The following FGR variants were observed in gnomAD, a reference collection of about 807,000 sequenced individuals.
FGR encodes tyrosine-protein kinase Fgr.
A neutral mutation model predicts 63.2 loss-of-function variants in FGR; 26 were observed. The observed-to-expected ratio is 0.41, with a 90% CI of 0.30 to 0.57. The LOEUF (loss-of-function observed/expected upper bound fraction) is 0.57, where lower values mean the gene tolerates loss of function less well. FGR is among the 20% of genes least tolerant of loss of function. The pLI is 0.27. For synonymous variants in FGR, 286 were observed against 277.7 expected (o/e 1.03, Z -0.30); for missense variants, 511 against 690.8 (o/e 0.74, Z 2.92).
chr1:27,634,366 G>T (rs2148533598), intron 1 of FGR, among the ~76,000 whole-genome samples: 1 of 152,282 alleles, frequency 6.6e-6, no homozygotes, highest in East Asian at 1.9e-4. Context: ...CCCAGGAAGC[G>T]GGGACCCACG....
intron 1 of FGR, among the ~76,000 whole-genome samples, chr1:27,628,437 A>G: frequency 6.6e-6 from 1 of 152,050 alleles, no homozygotes; most frequent in East Asian, 1.9e-4. Context: ...TATCACAGAT[A>G]CAGACAGATG....
chr1:27,626,386 C>T (rs2090022329), intron 1 of FGR: 1 of 395,140 alleles, frequency 2.5e-6, no homozygotes, highest in South Asian at 1.4e-4. Flanking sequence ...TCTCGATCCC[C>T]AGTCCAGTCA....
At chr1:27,621,479 G>T in intron 5 of FGR, 80 bp downstream of exon 5, 1 of 971,078 alleles carries the variant, frequency 1.0e-6, no homozygotes, top group South Asian at 1.3e-5. Context: ...CTGGAGCAAT[G>T]ACTTGTCCAA....
intron 5 of FGR, 72 bp downstream of exon 5, chr1:27,621,487 C>T (rs2089924392): frequency 1.9e-6 from 2 of 1,070,936 alleles, no homozygotes; most frequent in Non-Finnish European, 2.9e-6. Flanking sequence ...ATGACTTGTC[C>T]AAGAGGTGGC....
chr1:27,620,837 G>A (rs954254444), intron 5 of FGR, among the ~76,000 whole-genome samples: 7 of 149,150 alleles, frequency 4.7e-5, no homozygotes, highest in Non-Finnish European at 3.0e-5. Flanking sequence ...ACCAGCCTGG[G>A]CAATATGGCG....
Position 27,614,808 on chromosome 1 carries a change from T to G in FGR, c.1095+42A>C, listed in dbSNP as rs533612613. ...GGACAGAGAATTTGTGAACAGTTAA[T>G]AGGTGGGAGGTCCGGGAGGTAAAGG... On this transcript the variant is annotated intron_variant, in intron 10 of 12. Transcript: ENST00000374005. 8 of 1,523,150 alleles carry G rather than the reference T, an allele frequency of 5.3e-6. No individual in the cohort carries two copies. In the South Asian group the frequency reaches 8.2e-5, roughly 16 times the overall value. The allele number at this position is 1,523,150 out of a possible 1,614,324, so 94.4% of individuals were successfully genotyped here. A position where few individuals can be genotyped will look rare whatever the true frequency, so the allele number is the denominator to read the frequency against.
chr1:27,615,681 C>T lies in FGR; in HGVS notation c.838+8G>A. On this transcript the variant is annotated splice_region_variant and intron_variant, in intron 8 of 12. Coordinates refer to ENST00000374005, the MANE Select transcript of FGR (RefSeq NM_005248.3). This position sits in a 1 kb window ranked among gnomAD's most constrained non-coding sequence, Gnocchi z 7.6. ...AGGCCCTCGTCCCGGCCCCCGGGAG[C>T]TCCGTACCCAGCCACACATCCCCGA... 1 of 1,597,542 alleles carries T rather than the reference C, an allele frequency of 6.3e-7. No homozygotes were observed. Among genetic ancestry groups the T allele is most frequent in the Non-Finnish European group, 8.6e-7 (1 of 1,168,004 alleles).
At chr1:27,623,961 C>T (rs745356617) in intron 2 of FGR, 32 bp from the exon 3 acceptor site, 9 of 1,524,034 alleles carry the variant, frequency 5.9e-6, no homozygotes, top group Middle Eastern at 2.5e-4. Context: ...ACTCAAGGAC[C>T]CCTGCCAGGT....
chr1:27,619,213 C>T (rs557028107), intron 5 of FGR, among the ~76,000 whole-genome samples: 6 of 152,116 alleles, frequency 3.9e-5, no homozygotes, highest in Admixed American at 2.6e-4. Context: ...TTTTTTGAGA[C>T]GGAGTCTTGC....
At chr1:27,633,856 A>C (rs2090140242) in intron 1 of FGR, among the ~76,000 whole-genome samples, 2 of 152,264 alleles carry the variant, frequency 1.3e-5, no homozygotes, top group South Asian at 4.1e-4. Flanking sequence ...GACACTCAGC[A>C]AAAACTGCTT....
chr1:27,617,417 C>T lies in FGR; in HGVS notation c.429-121G>A. ...CCATGTGTAAAATGGGGCTGGTACA[C>T]CTGCTTCACATCCTGGCTGGGAGGG... is the stretch of plus-strand genomic sequence containing the variant. On this transcript the variant is annotated intron_variant, in intron 5 of 12. Transcript: ENST00000374005. The surrounding 1 kb of genome is among the most constrained non-coding windows in gnomAD (Gnocchi z 4.5). 2.9e-6 allele frequency: 2 copies of T among 685,920 alleles called. No individual in the cohort carries two copies. Among genetic ancestry groups the T allele is most frequent in the South Asian group, 1.6e-5 (1 of 60,666 alleles). 42.5% of individuals were successfully genotyped at this position (685,920 alleles called of 1,614,324 possible). A position where few individuals can be genotyped will look rare whatever the true frequency, so the allele number is the denominator to read the frequency against.
rs1394560528 is a variant in FGR at position 27,615,748 on chromosome 1, C to T, written c.779G>A (p.Arg260His). The T allele has an allele frequency of 3.1e-6, 5 of 1,608,304 alleles. No homozygotes were observed. The Admixed American group carries it at 6.7e-5, about 22-fold the overall frequency. ...GLAKDAWEIS[R>H]SSITLERRLG... ...CCGGCGCTCCAGCGTGATGGAGCTG[C>T]GGCTGATCTCCCAGGCGTCCTTGGC... The change falls in exon 8 of 13, where the codon CGC becomes CAC. Residue 260 changes from arginine (R) to histidine (H), a missense_variant. Arg to His is a conservative substitution (Grantham distance 29). Transcript: ENST00000374005. This position sits in a 1 kb window ranked among gnomAD's most constrained non-coding sequence, Gnocchi z 7.6.
intron 5 of FGR, among the ~76,000 whole-genome samples, chr1:27,620,210 G>A (rs932234191): frequency 6.6e-6 from 1 of 152,020 alleles, no homozygotes; most frequent in Non-Finnish European, 1.5e-5. Context: ...CCAGGTACTT[G>A]GAAGGCTGAG....
chr1:27,621,633 C>A lies in FGR; in HGVS notation c.354G>T (p.Arg118=). ...NNTEGDWWEA[R]SLSSGKTGCI... is the part of the protein sequence containing the mutation. Reference sequence around the variant, plus strand: ...AGCCAGTTTTTCCGGAGCTGAGAGACCGAGCCTCCCACCAGTCACCTTCAC... The same window carrying A: ...AGCCAGTTTTTCCGGAGCTGAGAGAACGAGCCTCCCACCAGTCACCTTCAC... Residue 118 remains arginine (R), a synonymous_variant, in exon 5 of 13, where the codon CGG becomes CGT. Transcript: ENST00000374005. The A allele has an allele frequency of 6.2e-7, 1 of 1,613,944 alleles. No individual in the cohort carries two copies.
chr1:27,633,409 G>A (rs1004381796), intron 1 of FGR, among the ~76,000 whole-genome samples: 3 of 152,180 alleles, frequency 2.0e-5, no homozygotes, highest in African/African-American at 7.2e-5. Context: ...GCGGCCAACT[G>A]GATGCAGCAC....
Position 27,615,293 on chromosome 1 carries a change from G to C in FGR, c.1018+141C>G, listed in dbSNP as rs944569896. On this transcript the variant is annotated intron_variant, in intron 9 of 12. Transcript: ENST00000374005. This position sits in a 1 kb window ranked among gnomAD's most constrained non-coding sequence, Gnocchi z 7.6. ...GCCCGGCTCCCACCTCAGCCCTCCAGTCGTTTTACACACCTGGTCCCTTAG... is the reference window on the plus strand; with the variant it reads ...GCCCGGCTCCCACCTCAGCCCTCCACTCGTTTTACACACCTGGTCCCTTAG... 2 of 1,004,386 alleles carry C rather than the reference G, an allele frequency of 2.0e-6. No homozygotes were observed. Among genetic ancestry groups the C allele is most frequent in the African/African-American group, 3.2e-5 (2 of 61,994 alleles). 62.2% of individuals were successfully genotyped at this position (1,004,386 alleles called of 1,614,324 possible). A position where few individuals can be genotyped will look rare whatever the true frequency, so the allele number is the denominator to read the frequency against.
chr1:27,628,966 G>T (rs1372041281), intron 1 of FGR, among the ~76,000 whole-genome samples: 3 of 152,224 alleles, frequency 2.0e-5, no homozygotes, highest in African/African-American at 7.2e-5. Flanking sequence ...TATGACATCT[G>T]CATGGCCCAA....
At position 27,614,474 on chromosome 1, in the gene FGR, C is replaced by T. The variant is rs1439143818; in HGVS notation, c.1205G>A (p.Gly402Asp). ...ERLACKIADFGLARLIKDDEY... is the reference protein window; with the variant it reads ...ERLACKIADFDLARLIKDDEY... ...ATCGTCCTTGATGAGACGCGCCAAG[C>T]CAAAGTCTGCGATCTTGCACGCCAG... The change falls in exon 11 of 13, where the codon GGC becomes GAC. Residue 402 changes from glycine to aspartate, a missense_variant. Coordinates refer to ENST00000374005, the MANE Select transcript of FGR (RefSeq NM_005248.3). 2 of 1,613,632 alleles carry T rather than the reference C, an allele frequency of 1.2e-6. No homozygotes were observed. The highest frequency in any genetic ancestry group is 1.7e-6 in the Non-Finnish European group (2 of 1,179,870).
At position 27,615,447 on chromosome 1, in the gene FGR, C is replaced by G. The variant is rs1349092643; in HGVS notation, c.1005G>C (p.Glu335Asp). The change falls in exon 9 of 13, where the codon GAG becomes GAC. Residue 335 changes from glutamate (E) to aspartate (D), a missense_variant. Glu to Asp is a conservative substitution (Grantham distance 45, BLOSUM62 2). Transcript: ENST00000374005. The surrounding 1 kb of genome is among the most constrained non-coding windows in gnomAD (Gnocchi z 7.6). ...CCGCCTCCTGACCGTGACACATGAA[C>G]TCGGTCACGATGTAGATGGGCTCCT... ...VSEEPIYIVT[E>D]FMCHGSLLDF... 6.3e-7 allele frequency: 1 copy of G among 1,599,456 alleles called. No individual in the cohort carries two copies. The highest frequency in any genetic ancestry group is 2.3e-5 in the East Asian group (1 of 44,408).
Sources: allele counts gnomAD v4.1 joint callset (sites outside exome capture counted in the v4.1 genomes callset), GRCh38; gene constraint gnomAD v4.1.1; non-coding constraint Gnocchi (gnomAD v3.1); transcripts MANE v1.5; gene names NCBI Gene and HGNC (gene_info 2026-07-23, HGNC 2026-07-21).